Variants in RHOT1 observed in about 807,000 individuals in gnomAD.
RHOT1 encodes the protein ras homolog family member T1, also known as mitochondrial Rho GTPase 1.
RHOT1 carries 27 observed loss-of-function variants against 95.3 expected under a neutral mutation model. The ratio of observed to expected loss-of-function variants is 0.28; its 90% CI spans 0.21 to 0.39. The LOEUF (loss-of-function observed/expected upper bound fraction) is 0.39, where lower values mean the gene tolerates loss of function less well. Ranked by LOEUF, RHOT1 falls within the 10% of genes least tolerant of loss-of-function variation. RHOT1 has a pLI of 1.00. For missense variants in RHOT1, 578 were observed against 786.7 expected (o/e 0.73, Z 3.17); for synonymous variants, 227 against 263.5 (o/e 0.86, Z 1.34).
intron 11 of RHOT1, among the ~76,000 whole-genome samples, chr17:32,198,034 A>G (rs2037035683): frequency 6.6e-6 from 1 of 152,130 alleles, no homozygotes; most frequent in South Asian, 2.1e-4. Flanking sequence ...AGCTGGGACT[A>G]CAAGCATGTG....
intron 19 of RHOT1, among the ~76,000 whole-genome samples, chr17:32,218,657 A>G (rs1302398715): frequency 2.0e-5 from 3 of 151,680 alleles, no homozygotes; most frequent in Non-Finnish European, 4.4e-5. Flanking sequence ...TCTACAAAAA[A>G]TCATAAATTA....
At chr17:32,171,408 A>G (rs2034567012) in intron 2 of RHOT1, among the ~76,000 whole-genome samples, 1 of 152,196 alleles carries the variant, frequency 6.6e-6, no homozygotes, top group African/African-American at 2.4e-5. Context: ...TTAAAAAGCT[A>G]ATATTTGTTT....
At chr17:32,201,095 A>AT in intron 14 of RHOT1, 39 bp downstream of exon 14, 5 of 1,232,642 alleles carry the variant, frequency 4.1e-6, no homozygotes, top group Non-Finnish European at 5.8e-6. Flanking sequence ...GATTAGAGAT[A>AT]TTTTTTAAGA....
rs2037896932 is a variant in RHOT1 at position 32,208,326 on chromosome 17, T to A, written c.1739+17T>A. On this transcript the variant is annotated intron_variant, in intron 18 of 19. Coordinates refer to ENST00000545287, the MANE Select transcript of RHOT1 (RefSeq NM_001033566.3). ...CATGTATCCGTAAGTACTTGCTGTC[T>A]TCATTTTCATGTTGCATGGTTCATA... is the stretch of plus-strand genomic sequence containing the variant. 3 of 1,601,970 alleles carry A rather than the reference T, an allele frequency of 1.9e-6. No homozygotes were observed.
chr17:32,216,057 A>G (rs1183818267), intron 19 of RHOT1, among the ~76,000 whole-genome samples: 1 of 152,192 alleles, frequency 6.6e-6, no homozygotes, highest in African/African-American at 2.4e-5. Context: ...TTTAAATTTG[A>G]AAATGATTAT....
intron 19 of RHOT1, among the ~76,000 whole-genome samples, chr17:32,222,012 ATT>A (rs1037676119): frequency 6.6e-6 from 1 of 152,230 alleles, no homozygotes; most frequent in African/African-American, 2.4e-5. Flanking sequence ...ATGAGAAATC[ATT>A]TTGATTGATT....
chr17:32,165,087 T>TC (rs1324137857), intron 1 of RHOT1, among the ~76,000 whole-genome samples: 1 of 151,958 alleles, frequency 6.6e-6, no homozygotes, highest in Non-Finnish European at 1.5e-5. Context: ...ACGCCTGTAA[T>TC]CCCAGCACTT....
At chr17:32,209,332 C>G in intron 18 of RHOT1, 2 of 1,431,640 alleles carry the variant, frequency 1.4e-6, no homozygotes, top group Non-Finnish European at 1.9e-6. Context: ...TTAAAACTCT[C>G]ATGTATGTTA....
intron 1 of RHOT1, among the ~76,000 whole-genome samples, chr17:32,155,223 G>A (rs1400209031): frequency 1.3e-5 from 2 of 151,254 alleles, no homozygotes; most frequent in African/African-American, 2.4e-5. Context: ...GCAGTGGCGC[G>A]ATCTCGGCTC....
At chr17:32,212,829 C>T (rs1017749577) in intron 19 of RHOT1, among the ~76,000 whole-genome samples, 1 of 152,040 alleles carries the variant, frequency 6.6e-6, no homozygotes, top group African/African-American at 2.4e-5. Context: ...TTCTCTTCTC[C>T]AGGTAGAACA....
At position 32,202,878 on chromosome 17, in the gene RHOT1, C is replaced by T. The variant is rs764352417; in HGVS notation, c.1310C>T (p.Ala437Val). The T allele has an allele frequency of 6.2e-7, 1 of 1,612,904 alleles. No individual in the cohort carries two copies. Among genetic ancestry groups the T allele is most frequent in the South Asian group, 1.1e-5 (1 of 90,836 alleles). The stretch of plus-strand genomic sequence containing the variant: ...TGTGGGAAAAGTGGAGTTCTTCAGG[C>T]TCTTCTTGGAAGAAACTTAATGGTG... ...KNCGKSGVLQALLGRNLMRQK... is the reference protein window; with the variant it reads ...KNCGKSGVLQVLLGRNLMRQK... The change falls in exon 15 of 20, where the codon GCT (alanine) becomes GTT (valine). Residue 437 changes from alanine to valine, a missense_variant. By Grantham distance (64) the Ala-to-Val change is moderately conservative. This residue lies in a region of RHOT1 where 296 missense variants were observed against 338.5 expected (regional missense o/e 0.87). Transcript: ENST00000545287.
intron 1 of RHOT1, among the ~76,000 whole-genome samples, chr17:32,153,122 G>C (rs149945063): frequency 3.9e-5 from 6 of 152,124 alleles, no homozygotes; most frequent in Admixed American, 3.9e-4. Context: ...TTTTTGAATT[G>C]TGGACTAAAA....
Position 32,202,806 on chromosome 17 carries a change from A to C in RHOT1, c.1238A>C (p.Gln413Pro), listed in dbSNP as rs771647543. 4 of 1,607,088 alleles carry C rather than the reference A, an allele frequency of 2.5e-6. No individual in the cohort carries two copies. The highest frequency in any genetic ancestry group is 3.4e-6 in the Non-Finnish European group (4 of 1,175,766). ...AAAAAGATAGACCTGCAGAAAAAAC[A>C]AACTCAAAGAAATGTGTTCAGATGT... The part of the protein sequence containing the change: ...RDKKIDLQKK[Q>P]TQRNVFRCNV... The change falls in exon 15 of 20, where the codon CAA (glutamine) becomes CCA (proline). Residue 413 changes from glutamine (Q) to proline (P), a missense_variant. Coordinates refer to ENST00000545287, the MANE Select transcript of RHOT1 (RefSeq NM_001033566.3).
chr17:32,206,978 A>T lies in RHOT1; in HGVS notation c.1485A>T (p.Val495=), dbSNP rs930161268. 10 of 1,612,742 alleles carry T rather than the reference A, an allele frequency of 6.2e-6. No homozygotes were observed. The African/African-American group carries it at 1.2e-4, about 19-fold the overall frequency. Residue 495 remains valine, a synonymous_variant, in exon 17 of 20, where the codon GTA becomes GTT. Coordinates refer to ENST00000545287, the MANE Select transcript of RHOT1 (RefSeq NM_001033566.3). ...AEIICDVVCL[V]YDVSNPKSFE... ...TCATTTGTGATGTTGTATGCCTGGTATATGATGTCAGCAATCCCAAATCCT... is the reference window on the plus strand; with the variant it reads ...TCATTTGTGATGTTGTATGCCTGGTTTATGATGTCAGCAATCCCAAATCCT...
At chr17:32,200,465 A>G (rs1307310473) in intron 13 of RHOT1, among the ~76,000 whole-genome samples, 1 of 152,160 alleles carries the variant, frequency 6.6e-6, no homozygotes, top group African/African-American at 2.4e-5. Flanking sequence ...TGCATTAAGA[A>G]TGGCAGTGTA....
intron 6 of RHOT1, among the ~76,000 whole-genome samples, chr17:32,178,208 C>G (rs550319153): frequency 3.6e-4 from 54 of 149,850 alleles, no homozygotes; most frequent in African/African-American, 6.8e-4. Flanking sequence ...TGCCCTCCCC[C>G]CCCCCAGTGA....
chr17:32,165,334 C>A, intron 1 of RHOT1, among the ~76,000 whole-genome samples: 1 of 84,308 alleles, frequency 1.2e-5, no homozygotes. Flanking sequence ...AAGACTCCGT[C>A]TCAAAAAAAA....
chr17:32,151,194 T>G, intron 1 of RHOT1: 1 of 765,498 alleles, frequency 1.3e-6, no homozygotes, highest in Non-Finnish European at 2.4e-6. Flanking sequence ...TGAAGATTTC[T>G]GTCTGGGAAC....
chr17:32,183,307 A>G (rs754821130), intron 8 of RHOT1, 35 bp downstream of exon 8: 13 of 1,200,614 alleles, frequency 1.1e-5, no homozygotes, highest in Non-Finnish European at 1.2e-5. Flanking sequence ...TGGAATGTGT[A>G]TGTAGTAACT....
Sources: allele counts gnomAD v4.1 joint callset (sites outside exome capture counted in the v4.1 genomes callset), GRCh38; gene constraint gnomAD v4.1.1; regional missense constraint gnomAD v4.1.1; transcripts MANE v1.5; gene names NCBI Gene and HGNC (gene_info 2026-07-23, HGNC 2026-07-21).